GFPT2: variants seen among roughly 807,000 people sequenced by gnomAD.
GFPT2 encodes glutamine--fructose-6-phosphate aminotransferase [isomerizing] 2.
GFPT2 carries 62 observed loss-of-function variants against 85.6 expected under a neutral mutation model. The observed-to-expected ratio is 0.72, with a 90% CI of 0.59 to 0.90. The LOEUF (loss-of-function observed/expected upper bound fraction) is 0.90, where lower values mean the gene tolerates loss of function less well. Ranked by LOEUF, GFPT2 falls within the 40% of genes least tolerant of loss-of-function variation. GFPT2 has a pLI of 0.00. For missense variants in GFPT2, 788 were observed against 893.4 expected, an observed-to-expected ratio of 0.88 and a Z score of 1.50; for synonymous variants, 368 against 344.5, an observed-to-expected ratio of 1.07 and a Z score of -0.75.
rs1195870196 is a variant in GFPT2 at position 180,301,211 on chromosome 5, C to T, written c.*353G>A. 8 of 322,662 alleles carry T rather than the reference C, an allele frequency of 2.5e-5. No individual in the cohort carries two copies. Among genetic ancestry groups the T allele is most frequent in the Non-Finnish European group, 2.3e-5 (4 of 176,404 alleles). 20.0% of individuals were successfully genotyped at this position (322,662 alleles called of 1,614,324 possible). On this transcript the variant is annotated 3_prime_UTR_variant, in exon 19 of 19. Coordinates refer to ENST00000253778, the MANE Select transcript of GFPT2 (RefSeq NM_005110.4). ...CTAGAAAAATAACTTAAAAGCTATA[C>T]AGTCGTCATTATAAATATCTTGTCT...
In GFPT2 at chr5:180,328,307, A is replaced by T; in HGVS notation, c.566T>A (p.Val189Asp). ...EGAFALVFKS[V>D]HYPGEAVATR... ...GGCAACGGCTTCTCCTGGGTAGTGG[A>T]CACTCTTGAAAACCAGCGCGAATGC... Residue 189 changes from valine to aspartate, a missense_variant, in exon 7 of 19, where the codon GTC (valine) becomes GAC (aspartate). Val to Asp is a radical substitution (Grantham distance 152, BLOSUM62 -3). Coordinates refer to ENST00000253778, the MANE Select transcript of GFPT2 (RefSeq NM_005110.4). The surrounding 1 kb of genome is among the most constrained non-coding windows in gnomAD (Gnocchi z 5.4). 6.2e-7 allele frequency: 1 copy of T among 1,613,216 alleles called. No individual in the cohort carries two copies. Among genetic ancestry groups the T allele is most frequent in the Non-Finnish European group, 8.5e-7 (1 of 1,179,264 alleles).
intron 1 of GFPT2, among the ~76,000 whole-genome samples, chr5:180,345,666 C>T (rs997060132): frequency 6.6e-6 from 1 of 152,250 alleles, no homozygotes; most frequent in Non-Finnish European, 1.5e-5. Flanking sequence ...CCACATCTGT[C>T]TCATCCATTG....
At chr5:180,327,061 T>A (rs1764221876) in intron 7 of GFPT2, among the ~76,000 whole-genome samples, 1 of 152,088 alleles carries the variant, frequency 6.6e-6, no homozygotes, top group South Asian at 2.1e-4. Context: ...TTAAAAAAAA[T>A]GATGATAAAT....
At chr5:180,339,771 A>G (rs575634766) in intron 1 of GFPT2, among the ~76,000 whole-genome samples, 3 of 152,308 alleles carry the variant, frequency 2.0e-5, no homozygotes, top group South Asian at 2.1e-4. Flanking sequence ...TGGCCACCTC[A>G]GTGCTCTCAC....
intron 1 of GFPT2, among the ~76,000 whole-genome samples, chr5:180,344,890 A>G (rs2127657722): frequency 6.6e-6 from 1 of 152,324 alleles, no homozygotes; most frequent in Non-Finnish European, 1.5e-5. Flanking sequence ...ACCTAAGCAC[A>G]TGCCCCAGCC....
rs763077671 is a variant in GFPT2 at position 180,313,810 on chromosome 5, G to T, written c.1428C>A (p.Thr476=). The change falls in exon 14 of 19, where the codon ACC becomes ACA. Residue 476 remains threonine, a synonymous_variant. Transcript: ENST00000253778. The stretch of plus-strand genomic sequence containing the variant: ...GGGCGCCCGTGGCTCCTCCTACCTT[G>T]GTGCTGGCCACGCCGATCTCCGGCC... The part of the protein sequence containing the change: ...NAGPEIGVAS[T]KAYTSQFISL... 42 of 1,553,808 alleles carry T rather than the reference G, an allele frequency of 2.7e-5. No homozygotes were observed. The Admixed American group carries it at 7.7e-4, about 28-fold the overall frequency.
chr5:180,337,326 G>A (rs940121926), intron 2 of GFPT2, among the ~76,000 whole-genome samples: 3 of 151,992 alleles, frequency 2.0e-5, no homozygotes, highest in East Asian at 1.9e-4. Context: ...GGTGGTGGGC[G>A]CCTGTAGTCC....
chr5:180,318,281 C>T lies in GFPT2; in HGVS notation c.958+512G>A, dbSNP rs1764052497. On this transcript the variant is annotated intron_variant, in intron 10 of 18. Transcript: ENST00000253778. This position sits in a 1 kb window ranked among gnomAD's most constrained non-coding sequence, Gnocchi z 4.2. Reference sequence around the variant, plus strand: ...GGGAGTTTGGATTTTATTCTAAGAACAGTAGGAAACCATTGGAGGGCCTTG... The same window carrying T: ...GGGAGTTTGGATTTTATTCTAAGAATAGTAGGAAACCATTGGAGGGCCTTG... Among the ~76,000 whole-genome samples the T allele has an allele frequency of 6.6e-6, 1 of 151,982 alleles. No homozygotes were observed. The highest frequency in any genetic ancestry group is 6.5e-5 in the Admixed American group (1 of 15,274).
chr5:180,352,387 A>T, intron 1 of GFPT2: 1 of 452,476 alleles, frequency 2.2e-6, no homozygotes, highest in South Asian at 1.6e-5. Context: ...GTCCCAGCAG[A>T]AGTTCCCGGC....
chr5:180,310,693 G>A (rs968452062), intron 15 of GFPT2, among the ~76,000 whole-genome samples: 1 of 151,510 alleles, frequency 6.6e-6, no homozygotes, highest in Non-Finnish European at 1.5e-5. Flanking sequence ...TTACAGGCGT[G>A]AGCCACCGCG....
intron 17 of GFPT2, among the ~76,000 whole-genome samples, chr5:180,304,112 C>A (rs151105627): frequency 2.0e-5 from 3 of 152,242 alleles, no homozygotes; most frequent in South Asian, 2.1e-4. Context: ...AGCTCCCGGG[C>A]GACACACAGT....
chr5:180,342,263 T>C (rs1227065467), intron 1 of GFPT2, among the ~76,000 whole-genome samples: 2 of 152,162 alleles, frequency 1.3e-5, no homozygotes, highest in African/African-American at 4.8e-5. Context: ...GACTAATACA[T>C]CTTTTAATGT....
chr5:180,351,507 G>A (rs763096382), intron 1 of GFPT2, among the ~76,000 whole-genome samples: 21 of 150,372 alleles, frequency 1.4e-4, no homozygotes, highest in Middle Eastern at 3.5e-3. Context: ...TTCTGGCTCC[G>A]AGTGGGCACC....
At chr5:180,317,118 G>T in intron 10 of GFPT2, 60 bp from the exon 11 acceptor site, 1 of 1,082,002 alleles carries the variant, frequency 9.2e-7, no homozygotes, top group Non-Finnish European at 1.4e-6. Flanking sequence ...TTTTCATTAT[G>T]CAGCAGCGAT....
chr5:180,340,195 T>C (rs575544788), intron 1 of GFPT2, among the ~76,000 whole-genome samples: 1 of 151,770 alleles, frequency 6.6e-6, no homozygotes, highest in African/African-American at 2.4e-5. Flanking sequence ...TTTTTTTTTT[T>C]GTTTTTGTTT....
chr5:180,324,248 G>C lies in GFPT2; in HGVS notation c.734C>G (p.Ser245Cys). 6.2e-7 allele frequency: 1 copy of C among 1,613,238 alleles called. No homozygotes were observed. Among genetic ancestry groups the C allele is most frequent in the Non-Finnish European group, 8.5e-7 (1 of 1,179,342 alleles). The change falls in exon 9 of 19, where the codon TCC becomes TGC. Residue 245 changes from serine to cysteine, a missense_variant. Transcript: ENST00000253778. Reference protein sequence around the residue: ...CKTRMKRLDSSACLHAVGDKA... With the variant: ...CKTRMKRLDSCACLHAVGDKA... Reference sequence around the variant, plus strand: ...GTCGCCCACAGCATGCAGGCAGGCGGAGCTGTCCAGCCTCTTCATCCGTGT... The same window carrying C: ...GTCGCCCACAGCATGCAGGCAGGCGCAGCTGTCCAGCCTCTTCATCCGTGT...
intron 17 of GFPT2, among the ~76,000 whole-genome samples, chr5:180,304,454 T>C (rs537035063): frequency 6.6e-6 from 1 of 152,310 alleles, no homozygotes; most frequent in South Asian, 2.1e-4. Context: ...TCGGAGCTGC[T>C]TGGCCGCAGA....
rs147231426 is a variant in GFPT2, at chr5:180,301,368, C to T, written c.*196G>A. 7.3e-4 allele frequency: 448 copies of T among 611,482 alleles called. 1 individual carries two copies. Among genetic ancestry groups the T allele is most frequent in the African/African-American group, 6.4e-3 (347 of 54,286 alleles). The allele number at this position is 611,482 out of a possible 1,614,324, so 37.9% of individuals were successfully genotyped here. ...AAACAATGATTCCCTTCTCCTCTGG[C>T]GACTTCAGGACACAGAGAAACAGTA... On this transcript the variant is annotated 3_prime_UTR_variant, in exon 19 of 19. Coordinates refer to ENST00000253778, the MANE Select transcript of GFPT2 (RefSeq NM_005110.4).
chr5:180,303,690 G>A (rs1444209456), intron 17 of GFPT2, among the ~76,000 whole-genome samples: 1 of 152,230 alleles, frequency 6.6e-6, no homozygotes, highest in Non-Finnish European at 1.5e-5. Flanking sequence ...GAAACTTCAT[G>A]AACTCTGCCC....
Sources: allele counts gnomAD v4.1 joint callset (sites outside exome capture counted in the v4.1 genomes callset), GRCh38; gene constraint gnomAD v4.1.1; non-coding constraint Gnocchi (gnomAD v3.1); transcripts MANE v1.5; gene names NCBI Gene and HGNC (gene_info 2026-07-23, HGNC 2026-07-21).